CTNNA2: variants seen among roughly 807,000 people sequenced by gnomAD.
CTNNA2 encodes catenin alpha 2.
A neutral mutation model predicts 101.0 loss-of-function variants in CTNNA2; 42 were observed. The ratio of observed to expected loss-of-function variants is 0.42; its 90% CI spans 0.32 to 0.54. The LOEUF (loss-of-function observed/expected upper bound fraction) is 0.54, where lower values mean the gene tolerates loss of function less well. CTNNA2 is among the 20% of genes least tolerant of loss of function. The pLI is 0.14. For synonymous variants in CTNNA2, 450 were observed against 456.4 expected (o/e 0.99, Z 0.18); for missense variants, 871 against 1,223.1 (o/e 0.71, Z 4.29).
intron 7 of CTNNA2, among the ~76,000 whole-genome samples, chr2:80,161,553 A>C (rs1228252876): frequency 1.3e-5 from 2 of 152,206 alleles, no homozygotes; most frequent in Non-Finnish European, 2.9e-5. Context: ...AACAAAAAAA[A>C]CAACCTGTAC....
At chr2:79,581,658 G>A (rs1470725228) in intron 1 of CTNNA2, among the ~76,000 whole-genome samples, 1 of 152,068 alleles carries the variant, frequency 6.6e-6, no homozygotes, top group Non-Finnish European at 1.5e-5. Flanking sequence ...GTTCACAACA[G>A]TATGCCTTTT....
intron 1 of CTNNA2, among the ~76,000 whole-genome samples, chr2:79,522,665 A>G (rs1012535113): frequency 1.3e-5 from 2 of 152,146 alleles, no homozygotes; most frequent in African/African-American, 4.8e-5. Flanking sequence ...TGCCAGGGAG[A>G]TGAGATCAAT....
chr2:79,638,086 A>G (rs1386846344), intron 1 of CTNNA2, among the ~76,000 whole-genome samples: 2 of 152,218 alleles, frequency 1.3e-5, no homozygotes, highest in Admixed American at 6.5e-5. Flanking sequence ...GGACTTGATG[A>G]TAGCAACATG....
intron 7 of CTNNA2, among the ~76,000 whole-genome samples, chr2:79,923,776 G>C (rs1364369132): frequency 1.3e-5 from 2 of 152,054 alleles, no homozygotes; most frequent in Non-Finnish European, 2.9e-5. Context: ...CTTTGGAACT[G>C]TTTCTCTACT....
intron 3 of CTNNA2, among the ~76,000 whole-genome samples, chr2:79,372,531 A>T (rs2104455869): frequency 6.6e-6 from 1 of 152,276 alleles, no homozygotes; most frequent in East Asian, 1.9e-4. Flanking sequence ...GGGGAAAAGG[A>T]TTTCTGCAAA....
intron 7 of CTNNA2, among the ~76,000 whole-genome samples, chr2:80,212,144 A>G (rs1198131597): frequency 2.6e-5 from 4 of 152,162 alleles, no homozygotes; most frequent in African/African-American, 9.7e-5. Context: ...TTCTAGATAT[A>G]CAATCATGTC....
chr2:79,195,452 C>G (rs1169414915), intron 1 of CTNNA2, among the ~76,000 whole-genome samples: 2 of 152,166 alleles, frequency 1.3e-5, no homozygotes, highest in Non-Finnish European at 2.9e-5. Context: ...CTCTGGTAGT[C>G]TTTAGCTGAT....
intron 2 of CTNNA2, among the ~76,000 whole-genome samples, chr2:79,671,874 T>C (rs1682863888): frequency 6.6e-6 from 1 of 152,212 alleles, no homozygotes; most frequent in African/African-American, 2.4e-5. Flanking sequence ...TTCTATCAGC[T>C]AAAGGTAAAA....
At chr2:79,489,412 A>T (rs1470492126) in intron 4 of CTNNA2, among the ~76,000 whole-genome samples, 1 of 152,140 alleles carries the variant, frequency 6.6e-6, no homozygotes, top group Admixed American at 6.6e-5. Flanking sequence ...CCTCCCTGTG[A>T]TTTCATGGAG....
intron 2 of CTNNA2, among the ~76,000 whole-genome samples, chr2:79,212,141 T>C (rs939753665): frequency 5.9e-5 from 9 of 152,150 alleles, no homozygotes; most frequent in African/African-American, 7.2e-5. Flanking sequence ...TTATTTACTT[T>C]AAGAGTTAAG....
intron 1 of CTNNA2, among the ~76,000 whole-genome samples, chr2:79,522,686 G>A (rs968066002): frequency 1.8e-4 from 28 of 152,202 alleles, no homozygotes; most frequent in African/African-American, 6.3e-4. Context: ...GAGCACAGCA[G>A]TGGGAGAGGT....
intron 7 of CTNNA2, among the ~76,000 whole-genome samples, chr2:79,964,108 C>G (rs1689851394): frequency 6.6e-6 from 1 of 152,190 alleles, no homozygotes; most frequent in South Asian, 2.1e-4. Context: ...AGAATACCTG[C>G]ATGGCCAGTT....
At chr2:80,532,063 G>C (rs1238820929) in intron 9 of CTNNA2, among the ~76,000 whole-genome samples, 1 of 152,120 alleles carries the variant, frequency 6.6e-6, no homozygotes, top group African/African-American at 2.4e-5. Context: ...TTTATTTATA[G>C]AAACAGGTGG....
At chr2:80,542,160 CCT>C (rs1417645431) in intron 9 of CTNNA2, among the ~76,000 whole-genome samples, 1 of 151,482 alleles carries the variant, frequency 6.6e-6, no homozygotes, top group Non-Finnish European at 1.5e-5. Flanking sequence ...AATAATAACT[CCT>C]CAGTATCATC....
At chr2:79,348,517 A>G (rs758187609) in intron 3 of CTNNA2, among the ~76,000 whole-genome samples, 1 of 152,220 alleles carries the variant, frequency 6.6e-6, no homozygotes. Flanking sequence ...CTAGATGTGG[A>G]GACAGCAGCA....
intron 9 of CTNNA2, among the ~76,000 whole-genome samples, chr2:80,469,812 C>G (rs187038160): frequency 1.3e-5 from 2 of 152,218 alleles, no homozygotes; most frequent in Admixed American, 1.3e-4. Flanking sequence ...TGGTGGGGAA[C>G]CTTTAAGCAA....
chr2:79,392,189 G>T (rs1678181621), intron 4 of CTNNA2, among the ~76,000 whole-genome samples: 1 of 152,166 alleles, frequency 6.6e-6, no homozygotes, highest in South Asian at 2.1e-4. Context: ...GAAGGTTTTG[G>T]CCAAGGTGAT....
chr2:80,619,198 G>C lies in CTNNA2; in HGVS notation c.2544G>C (p.Pro848=), dbSNP rs1170082577. The C allele has an allele frequency of 6.3e-7, 1 of 1,584,648 alleles. No individual in the cohort carries two copies. Among genetic ancestry groups the C allele is most frequent in the Admixed American group, 1.8e-5 (1 of 56,760 alleles). The change falls in exon 18 of 19, where the codon CCG becomes CCC. Residue 848 remains proline (P), a synonymous_variant. Transcript: ENST00000402739. ...TCCCAACCTGTGCTGAGGGAGCTCC[G>C]ATCGGGAGTGGAAGCAGTGATTCCT... is the stretch of plus-strand genomic sequence containing the variant. ...THLPTCAEGA[P]IGSGSSDSSM... is the part of the protein sequence containing the mutation.
rs528127149 is a variant in CTNNA2, at chr2:80,039,813, C to G, written c.1056+130016C>G. ...CAGAAAGACAGAAGTTTCTTTTTAT[C>G]TGAATTCAGAAAAACATGTTGGCTT... On this transcript the variant is annotated intron_variant, in intron 7 of 18. Transcript: ENST00000402739. Among the ~76,000 whole-genome samples the G allele has an allele frequency of 1.3e-3, 199 of 152,286 alleles. 2 individuals are homozygous for G. The highest frequency in any genetic ancestry group is 4.6e-3 in the African/African-American group (193 of 41,562).
Sources: gnomAD v4.1 joint callset for allele counts (sites outside exome capture counted in the v4.1 genomes callset) on GRCh38, gnomAD v4.1.1 for gene constraint, MANE v1.5 for transcripts, NCBI Gene and HGNC (gene_info 2026-07-23, HGNC 2026-07-21) for gene names.